APBB1IP: variants seen among roughly 807,000 people sequenced by gnomAD.
The protein encoded by APBB1IP is amyloid beta A4 precursor protein-binding family B member 1-interacting protein.
A neutral mutation model predicts 64.9 loss-of-function variants in APBB1IP; 27 were observed. That is an observed-to-expected ratio of 0.42 (90% CI 0.31 to 0.57). The LOEUF (loss-of-function observed/expected upper bound fraction) is 0.57. Ranked by LOEUF, APBB1IP falls within the 20% of genes least tolerant of loss-of-function variation. APBB1IP has a pLI of 0.20. For synonymous variants in APBB1IP, 392 were observed against 331.0 expected, an observed-to-expected ratio of 1.18 and a Z score of -2.00; for missense variants, 812 against 845.5, an observed-to-expected ratio of 0.96 and a Z score of 0.49.
At chr10:26,554,227 A>G (rs764885507) in intron 11 of APBB1IP, among the ~76,000 whole-genome samples, 1 of 152,210 alleles carries the variant, frequency 6.6e-6, no homozygotes, top group Non-Finnish European at 1.5e-5. Context: ...AGCTGCTGTA[A>G]CAAACTGCTG....
At chr10:26,472,380 A>G (rs1206345991) in intron 2 of APBB1IP, among the ~76,000 whole-genome samples, 2 of 152,196 alleles carry the variant, frequency 1.3e-5, no homozygotes, top group African/African-American at 2.4e-5. Flanking sequence ...TACAATCGCT[A>G]TGGTCTGTAT....
chr10:26,525,769 A>G (rs1836466664), intron 8 of APBB1IP, among the ~76,000 whole-genome samples: 1 of 152,240 alleles, frequency 6.6e-6, no homozygotes, highest in South Asian at 2.1e-4. Context: ...AGAAATGAAG[A>G]TCTGAAGAAA....
chr10:26,478,353 G>A (rs1228525617), intron 2 of APBB1IP, among the ~76,000 whole-genome samples: 1 of 152,210 alleles, frequency 6.6e-6, no homozygotes, highest in African/African-American at 2.4e-5. Flanking sequence ...GCGGGAGGAT[G>A]GAGGCGGTTG....
chr10:26,566,637 G>T (rs1837047804), intron 14 of APBB1IP, among the ~76,000 whole-genome samples: 2 of 152,144 alleles, frequency 1.3e-5, no homozygotes, highest in South Asian at 4.1e-4. Context: ...ACAAAGATGA[G>T]CTCATGACCG....
At chr10:26,450,626 T>G (rs1835454815) in intron 2 of APBB1IP, among the ~76,000 whole-genome samples, 1 of 152,234 alleles carries the variant, frequency 6.6e-6, no homozygotes, top group Admixed American at 6.6e-5. Context: ...CACTCCACTA[T>G]GGCTGTGGAA....
At chr10:26,530,230 T>TTTC (rs531765773) in intron 8 of APBB1IP, among the ~76,000 whole-genome samples, 31,948 of 72,900 alleles carry the variant, frequency 0.44, 4,619 homozygotes, top group Admixed American at 0.51. Flanking sequence ...TTCTTTTTCT[T>TTTC]TTTTTTTTTT....
At chr10:26,498,116 T>A (rs185333571) in intron 4 of APBB1IP, among the ~76,000 whole-genome samples, 2 of 152,328 alleles carry the variant, frequency 1.3e-5, no homozygotes, top group East Asian at 3.9e-4. Context: ...AATATACATC[T>A]TGCGATTTTC....
chr10:26,527,537 T>C (rs1836489734), intron 8 of APBB1IP, among the ~76,000 whole-genome samples: 1 of 146,220 alleles, frequency 6.8e-6, no homozygotes, highest in African/African-American at 2.5e-5. Flanking sequence ...AGCAATACCT[T>C]GTCTCAAAAA....
chr10:26,566,784 A>T (rs1336312992), intron 14 of APBB1IP, among the ~76,000 whole-genome samples, 177 bp from the exon 15 acceptor site: 2 of 151,960 alleles, frequency 1.3e-5, no homozygotes, highest in African/African-American at 4.8e-5. Context: ...GCTACTCGGG[A>T]GGTCGAGGCA....
intron 10 of APBB1IP, among the ~76,000 whole-genome samples, chr10:26,540,636 A>G (rs1262838726): frequency 6.6e-6 from 1 of 152,226 alleles, no homozygotes; most frequent in African/African-American, 2.4e-5. Context: ...TTGTGCACTA[A>G]GGTGTAAATA....
intron 2 of APBB1IP, among the ~76,000 whole-genome samples, chr10:26,468,695 A>C (rs1835676126): frequency 6.6e-6 from 1 of 152,174 alleles, no homozygotes; most frequent in Non-Finnish European, 1.5e-5. Context: ...TATAACAGTA[A>C]CTAAGTAATA....
At chr10:26,471,684 CT>C (rs771915939) in intron 2 of APBB1IP, among the ~76,000 whole-genome samples, 2 of 151,648 alleles carry the variant, frequency 1.3e-5, no homozygotes, top group East Asian at 1.9e-4. Context: ...ACTGTTTAAG[CT>C]TTTTTTGTTT....
At chr10:26,455,621 A>G (rs2132402153) in intron 2 of APBB1IP, among the ~76,000 whole-genome samples, 1 of 152,282 alleles carries the variant, frequency 6.6e-6, no homozygotes, top group East Asian at 1.9e-4. Context: ...CATATAAAAT[A>G]CATACACTTC....
At chr10:26,512,334 C>A (rs1054185005) in intron 7 of APBB1IP, among the ~76,000 whole-genome samples, 4 of 152,104 alleles carry the variant, frequency 2.6e-5, no homozygotes, top group African/African-American at 9.7e-5. Flanking sequence ...TACTAAGATG[C>A]TGCATGCTTA....
In APBB1IP at chr10:26,487,759, G is replaced by A. The variant is rs1835910096; in HGVS notation, c.1-4568G>A. ...TGAGAAACGAAGGCCTTTGGGTTCA[G>A]TGGGTTTTTCTGACTCATCGATGTC... On this transcript the variant is annotated intron_variant, in intron 2 of 14. Coordinates refer to ENST00000376236, the MANE Select transcript of APBB1IP (RefSeq NM_019043.4). Among the ~76,000 whole-genome samples the A allele has an allele frequency of 2.0e-5, 3 of 152,202 alleles. No homozygotes were observed. The South Asian group carries it at 6.2e-4, about 31-fold the overall frequency.
chr10:26,471,571 G>A (rs1835715648), intron 2 of APBB1IP, among the ~76,000 whole-genome samples: 2 of 152,112 alleles, frequency 1.3e-5, no homozygotes, highest in Non-Finnish European at 1.5e-5. Context: ...TTTTTTCTAT[G>A]GTATGGATCA....
intron 4 of APBB1IP, among the ~76,000 whole-genome samples, chr10:26,497,329 A>G (rs879605752): frequency 1.3e-5 from 2 of 152,148 alleles, no homozygotes; most frequent in Non-Finnish European, 2.9e-5. Flanking sequence ...AGGTGGGCAG[A>G]TCACAAGGTC....
chr10:26,513,502 C>T (rs1351617679), intron 7 of APBB1IP, 37 bp from the exon 8 acceptor site: 2 of 1,607,916 alleles, frequency 1.2e-6, no homozygotes, highest in African/African-American at 2.7e-5. Context: ...ACCCTGATGT[C>T]TTGGGTCTGA....
chr10:26,547,916 T>A (rs1836786978), intron 11 of APBB1IP, among the ~76,000 whole-genome samples: 1 of 152,212 alleles, frequency 6.6e-6, no homozygotes, highest in African/African-American at 2.4e-5. Context: ...TCTTCTTCTT[T>A]TTCTTTTGTG....
Sources: allele counts gnomAD v4.1 joint callset (sites outside exome capture counted in the v4.1 genomes callset), GRCh38; gene constraint gnomAD v4.1.1; transcripts MANE v1.5; gene names NCBI Gene and HGNC (gene_info 2026-07-23, HGNC 2026-07-21).